Variants in SCLT1 observed in about 807,000 individuals in gnomAD.
The protein encoded by SCLT1 is sodium channel and clathrin linker 1.
Under a neutral mutation model 112.8 loss-of-function variants are expected in SCLT1, and 78 were observed. The ratio of observed to expected loss-of-function variants is 0.69; its 90% confidence interval spans 0.58 to 0.83. The LOEUF is 0.83. SCLT1 is among the 40% of genes least tolerant of loss of function. The probability of loss-of-function intolerance (pLI) is 0.00; values close to 1 mark genes in which losing one functional copy is unlikely to be tolerated. For missense variants in SCLT1, 747 were observed against 770.4 expected (o/e 0.97, Z 0.36); for synonymous variants, 257 against 254.7 (o/e 1.01, Z -0.09).
At chr4:128,977,374 C>T (rs1334523448) in intron 9 of SCLT1, among the ~76,000 whole-genome samples, 2 of 152,090 alleles carry the variant, frequency 1.3e-5, no homozygotes, top group Admixed American at 1.3e-4. Flanking sequence ...CTATTGAGCA[C>T]CTACATGCAC....
At position 129,043,939 on chromosome 4, in the gene SCLT1, C is replaced by T; in HGVS notation, c.161+54G>A. 1.0e-5 allele frequency: 9 copies of T among 870,544 alleles called. No homozygotes were observed. In the South Asian group the frequency reaches 1.3e-4, roughly 13 times the overall value. The allele number at this position is 870,544 out of a possible 1,614,324, so 53.9% of individuals were successfully genotyped here. The stretch of plus-strand genomic sequence containing the variant: ...CAAACATTCCTGATACTGAATTATG[C>T]TAATAATAATTAAATATAACGAAGA... On this transcript the variant is annotated intron_variant, in intron 3 of 20. Transcript: ENST00000281142.
At chr4:128,980,808 T>C (rs910408934) in intron 9 of SCLT1, among the ~76,000 whole-genome samples, 8 of 152,218 alleles carry the variant, frequency 5.3e-5, no homozygotes, top group Non-Finnish European at 1.2e-4. Flanking sequence ...TGTGTTGTTT[T>C]GGAAATCAAA....
intron 5 of SCLT1, among the ~76,000 whole-genome samples, chr4:129,017,169 C>A (rs1745063487): frequency 1.3e-5 from 2 of 151,420 alleles, no homozygotes; most frequent in African/African-American, 4.8e-5. Context: ...TATTTTATTG[C>A]AGATGAAATT....
chr4:129,028,028 G>T (rs1481642695), intron 5 of SCLT1, among the ~76,000 whole-genome samples: 4 of 152,094 alleles, frequency 2.6e-5, no homozygotes, highest in Non-Finnish European at 4.4e-5. Context: ...AATAAAAGAG[G>T]ATACAAACAA....
At chr4:128,944,893 T>A (rs1457072278) in intron 16 of SCLT1, 1 of 152,118 alleles carries the variant, frequency 6.6e-6, no homozygotes, top group Non-Finnish European at 1.5e-5. Flanking sequence ...AGAAAAGGAC[T>A]CATATTGGAA....
intron 5 of SCLT1, among the ~76,000 whole-genome samples, chr4:129,020,912 T>C (rs549122848): frequency 6.6e-6 from 1 of 152,282 alleles, no homozygotes. Flanking sequence ...CTCTCACACA[T>C]TCTAGTGGAA....
At position 128,989,671 on chromosome 4, in the gene SCLT1, A is replaced by G. The variant is rs77978390; in HGVS notation, c.686+2496T>C. Among the ~76,000 whole-genome samples, 569 of 151,840 alleles carry G rather than the reference A, an allele frequency of 3.7e-3. 1 individual carries two copies. The highest frequency in any genetic ancestry group is 0.011 in the African/African-American group (471 of 41,528). On this transcript the variant is annotated intron_variant, in intron 9 of 20. Coordinates refer to ENST00000281142, the MANE Select transcript of SCLT1 (RefSeq NM_144643.4). ...TAAAAAATACAAAAGATAAGTGAAA[A>G]AAAGTTGTTTTTTTAAGACAAACAA...
intron 16 of SCLT1, among the ~76,000 whole-genome samples, chr4:128,945,252 A>G (rs895723845): frequency 2.6e-5 from 4 of 152,230 alleles, no homozygotes; most frequent in African/African-American, 9.6e-5. Flanking sequence ...TTGGAGAGAA[A>G]CCCCGTGAAT....
At chr4:129,032,093 A>G (rs1746774889) in intron 5 of SCLT1, among the ~76,000 whole-genome samples, 1 of 152,158 alleles carries the variant, frequency 6.6e-6, no homozygotes, top group South Asian at 2.1e-4. Flanking sequence ...ACTATACTAC[A>G]AGGCTACAGT....
rs2125949540 is a variant in SCLT1 at position 128,913,062 on chromosome 4, G to T, written c.1830-21925C>A. ...ACTTAAGTAGGAATTTTCTTTAGAA[G>T]GTTTGTTGGTTTGCTTCAAATTGCT... On this transcript the variant is annotated intron_variant, in intron 18 of 20. Transcript: ENST00000281142. 1.3e-5 allele frequency among the ~76,000 whole-genome samples: 2 copies of T among 152,264 alleles called. 1 individual carries two copies. The highest frequency in any genetic ancestry group is 4.1e-4 in the South Asian group (2 of 4,832).
chr4:128,995,668 G>A (rs1346233135), intron 8 of SCLT1, among the ~76,000 whole-genome samples: 1 of 152,082 alleles, frequency 6.6e-6, no homozygotes, highest in Non-Finnish European at 1.5e-5. Flanking sequence ...GGCAGCTGTG[G>A]CTTTGTCTGC....
intron 7 of SCLT1, 29 bp downstream of exon 7, chr4:128,999,643 T>TA: frequency 6.3e-7 from 1 of 1,575,078 alleles, no homozygotes; most frequent in Non-Finnish European, 8.7e-7. Context: ...CTTATTGATA[T>TA]ACAAGAAAAT....
intron 5 of SCLT1, chr4:128,874,330 G>A (rs1344495485): frequency 1.3e-5 from 2 of 152,522 alleles, no homozygotes; most frequent in East Asian, 3.9e-4. Flanking sequence ...AATCTAGTAA[G>A]TGTATGACCT....
intron 17 of SCLT1, among the ~76,000 whole-genome samples, chr4:128,941,529 A>G (rs953159409): frequency 6.6e-6 from 1 of 151,714 alleles, no homozygotes; most frequent in African/African-American, 2.4e-5. Flanking sequence ...TTCCTTATTA[A>G]TATTTTTCTT....
At chr4:129,054,360 A>G (rs775295111) in intron 2 of SCLT1, among the ~76,000 whole-genome samples, 7 of 151,548 alleles carry the variant, frequency 4.6e-5, no homozygotes, top group African/African-American at 9.7e-5. Context: ...AGTTGGTTCC[A>G]TTTTCTCCGT....
chr4:128,927,540 A>G (rs1736393368), intron 18 of SCLT1, among the ~76,000 whole-genome samples: 1 of 152,006 alleles, frequency 6.6e-6, no homozygotes, highest in South Asian at 2.1e-4. Context: ...GTGCCACTGC[A>G]TATCAGCCTG....
chr4:128,996,481 C>T (rs1743026043), intron 8 of SCLT1, among the ~76,000 whole-genome samples: 1 of 152,058 alleles, frequency 6.6e-6, no homozygotes, highest in Admixed American at 6.6e-5. Context: ...GGGCACTTTT[C>T]TTCAAGTTTG....
At chr4:128,988,317 A>G (rs1355397290) in intron 9 of SCLT1, among the ~76,000 whole-genome samples, 2 of 152,096 alleles carry the variant, frequency 1.3e-5, no homozygotes, top group East Asian at 1.9e-4. Flanking sequence ...ATATGTAAAT[A>G]GAGACAACAA....
At position 129,063,284 on chromosome 4, in the gene SCLT1, A is replaced by G. The variant is rs1579901109; in HGVS notation, c.102+19022T>C. On this transcript the variant is annotated intron_variant, in intron 2 of 20. Coordinates refer to ENST00000281142, the MANE Select transcript of SCLT1 (RefSeq NM_144643.4). ...CAGTCACCTCCTGCGGTCTTTACTGACTGGCTTTGGGAAACAAACAGCTTC... is the reference window on the plus strand; with the variant it reads ...CAGTCACCTCCTGCGGTCTTTACTGGCTGGCTTTGGGAAACAAACAGCTTC... Among the ~76,000 whole-genome samples the G allele has an allele frequency of 3.3e-5, 5 of 152,208 alleles. No individual in the cohort carries two copies. In the South Asian group the frequency reaches 1.0e-3, roughly 32 times the overall value.
Sources: allele counts gnomAD v4.1 joint callset (sites outside exome capture counted in the v4.1 genomes callset), GRCh38; gene constraint gnomAD v4.1.1; transcripts MANE v1.5; gene names NCBI Gene and HGNC (gene_info 2026-07-23, HGNC 2026-07-21).